Variants in FNIP2 observed in about 807,000 individuals in gnomAD.
FNIP2 encodes folliculin-interacting protein 2.
A neutral mutation model predicts 108.7 loss-of-function variants in FNIP2; 32 were observed. The ratio of observed to expected loss-of-function variants is 0.29; its 90% CI spans 0.22 to 0.40. The LOEUF (loss-of-function observed/expected upper bound fraction) is 0.40. Among genes scored for constraint, FNIP2 ranks in the 10% least tolerant of loss-of-function variants. FNIP2 has a pLI of 1.00. For synonymous variants in FNIP2, 480 were observed against 496.7 expected, an observed-to-expected ratio of 0.97 and a Z score of 0.45; for missense variants, 1,202 against 1,381.6, an observed-to-expected ratio of 0.87 and a Z score of 2.06.
intron 12 of FNIP2, among the ~76,000 whole-genome samples, chr4:158,867,016 A>C (rs950357345): frequency 6.6e-6 from 1 of 152,230 alleles, no homozygotes; most frequent in Non-Finnish European, 1.5e-5. Flanking sequence ...AGTAGTTTTA[A>C]TAGTTAGGCA....
chr4:158,776,904 A>T (rs919496860), intron 1 of FNIP2, among the ~76,000 whole-genome samples: 33 of 152,196 alleles, frequency 2.2e-4, no homozygotes, highest in Admixed American at 6.5e-5. Flanking sequence ...ATGCGTTGTG[A>T]CATTTTAGAA....
intron 9 of FNIP2, 73 bp from the exon 10 acceptor site, chr4:158,859,505 T>G (rs1476377703): frequency 7.8e-7 from 1 of 1,290,068 alleles, no homozygotes; most frequent in African/African-American, 1.5e-5. Context: ...ATAATTTTTT[T>G]TATTAATACA....
intron 14 of FNIP2, among the ~76,000 whole-genome samples, chr4:158,888,774 G>C (rs893170058): frequency 2.0e-5 from 3 of 151,506 alleles, no homozygotes; most frequent in African/African-American, 7.3e-5. Flanking sequence ...CTGTATTCCA[G>C]CTACCCAGGA....
chr4:158,884,995 A>AG (rs1781943855), intron 14 of FNIP2, among the ~76,000 whole-genome samples: 1 of 151,706 alleles, frequency 6.6e-6, no homozygotes, highest in Non-Finnish European at 1.5e-5. Flanking sequence ...AAAAAAAAAA[A>AG]AAATACAAAA....
At chr4:158,827,359 G>A (rs1035485789) in intron 2 of FNIP2, among the ~76,000 whole-genome samples, 1 of 152,158 alleles carries the variant, frequency 6.6e-6, no homozygotes, top group African/African-American at 2.4e-5. Flanking sequence ...GGCAGGTGGA[G>A]GGGAAAAGAA....
chr4:158,893,200 C>T lies in FNIP2; in HGVS notation c.3150+1554C>T, dbSNP rs1035938498. On this transcript the variant is annotated intron_variant, in intron 15 of 16. Coordinates refer to ENST00000264433, the MANE Select transcript of FNIP2 (RefSeq NM_020840.3). ...AATCTTCTGAAAATTAGGGATATAA[C>T]TGCTTTTTACTGCTAAAGCACCATG... is the stretch of plus-strand genomic sequence containing the variant. 6 of 152,722 alleles carry T rather than the reference C, an allele frequency of 3.9e-5. 1 individual carries two copies. The highest frequency in any genetic ancestry group is 3.3e-4 in the Admixed American group (5 of 15,358). 9.5% of individuals were successfully genotyped at this position (152,722 alleles called of 1,614,324 possible). A position where few individuals can be genotyped will look rare whatever the true frequency, so the allele number is the denominator to read the frequency against.
intron 1 of FNIP2, among the ~76,000 whole-genome samples, chr4:158,788,228 A>G (rs762357816): frequency 6.6e-6 from 1 of 152,304 alleles, no homozygotes; most frequent in Non-Finnish European, 1.5e-5. Context: ...GATTCCTGGA[A>G]GCCTTTGCCG....
At chr4:158,874,847 G>A (rs562763233) in intron 14 of FNIP2, among the ~76,000 whole-genome samples, 1 of 151,864 alleles carries the variant, frequency 6.6e-6, no homozygotes, top group Non-Finnish European at 1.5e-5. Context: ...GGGAGGCCGA[G>A]GTGGGCTGAT....
chr4:158,825,844 G>A (rs189978877), intron 1 of FNIP2, 72 bp from the exon 2 acceptor site: 1 of 1,544,854 alleles, frequency 6.5e-7, no homozygotes, highest in East Asian at 2.4e-5. Context: ...TGGTGACTGG[G>A]AAGCTTATCT....
chr4:158,831,234 G>A (rs1027552222), intron 3 of FNIP2, among the ~76,000 whole-genome samples: 1 of 152,198 alleles, frequency 6.6e-6, no homozygotes, highest in African/African-American at 2.4e-5. Context: ...GTAAAGTCAG[G>A]CTGTGGTAGA....
At chr4:158,831,286 C>G (rs1422322276) in intron 3 of FNIP2, among the ~76,000 whole-genome samples, 1 of 152,126 alleles carries the variant, frequency 6.6e-6, no homozygotes, top group African/African-American at 2.4e-5. Flanking sequence ...GGCAGGCAGT[C>G]CACTCTTTGG....
rs539246511 is a variant in FNIP2, at chr4:158,814,550, T to C, written c.108-11366T>C. On this transcript the variant is annotated intron_variant, in intron 1 of 16. Coordinates refer to ENST00000264433, the MANE Select transcript of FNIP2 (RefSeq NM_020840.3). ...GTGTCTCTAGGCTCTGCATGAATTA[T>C]GCAGTAAAAAAGGCAGTTATTTAAT... Among the ~76,000 whole-genome samples, 3 of 152,216 alleles carry C rather than the reference T, an allele frequency of 2.0e-5. No homozygotes were observed. In the South Asian group the frequency reaches 6.2e-4, roughly 32 times the overall value.
At chr4:158,863,624 T>C (rs1380371186) in intron 12 of FNIP2, among the ~76,000 whole-genome samples, 2 of 152,276 alleles carry the variant, frequency 1.3e-5, no homozygotes, top group Admixed American at 6.5e-5. Flanking sequence ...AGAAGCAATT[T>C]AGTGGGTTTA....
At chr4:158,834,379 T>C (rs1167461666) in intron 6 of FNIP2, 2 of 147,500 alleles carry the variant, frequency 1.4e-5, no homozygotes, top group Non-Finnish European at 3.0e-5. Context: ...ACAGGTATAG[T>C]CATCTTGGTG....
At chr4:158,857,017 C>T (rs1780024291) in intron 8 of FNIP2, among the ~76,000 whole-genome samples, 1 of 151,972 alleles carries the variant, frequency 6.6e-6, no homozygotes, top group African/African-American at 2.4e-5. Context: ...GTAAGTTCTC[C>T]ACTCTATTAT....
chr4:158,806,174 G>A (rs1776944320), intron 1 of FNIP2: 1 of 1,253,018 alleles, frequency 8.0e-7, no homozygotes, highest in South Asian at 1.3e-5. Flanking sequence ...ACATAACAAA[G>A]GAACTTCAGG....
At chr4:158,899,705 A>G (rs1439903178) in intron 16 of FNIP2, among the ~76,000 whole-genome samples, 3 of 151,938 alleles carry the variant, frequency 2.0e-5, no homozygotes, top group African/African-American at 4.8e-5. Context: ...TCTCCCCTTT[A>G]TCATTTTTTG....
intron 1 of FNIP2, among the ~76,000 whole-genome samples, chr4:158,816,296 T>C (rs1326754385): frequency 6.6e-6 from 1 of 152,124 alleles, no homozygotes; most frequent in Non-Finnish European, 1.5e-5. Flanking sequence ...TATAAGGCAA[T>C]GTCTTGGGTA....
chr4:158,856,790 C>A (rs1379757501), intron 8 of FNIP2, among the ~76,000 whole-genome samples: 1 of 152,172 alleles, frequency 6.6e-6, no homozygotes, highest in Non-Finnish European at 1.5e-5. Flanking sequence ...AGCCTGTGTA[C>A]CTTCTCTGGT....
Sources: allele counts gnomAD v4.1 joint callset (sites outside exome capture counted in the v4.1 genomes callset), GRCh38; gene constraint gnomAD v4.1.1; transcripts MANE v1.5; gene names NCBI Gene and HGNC (gene_info 2026-07-23, HGNC 2026-07-21).